Variants in ATF6 observed in about 807,000 individuals in gnomAD.
ATF6 encodes the protein activating transcription factor 6.
Under a neutral mutation model 83.6 loss-of-function variants are expected in ATF6, and 53 were observed. The observed-to-expected ratio is 0.63, with a 90% CI of 0.51 to 0.80. The LOEUF (loss-of-function observed/expected upper bound fraction) is 0.80. Among genes scored for constraint, ATF6 ranks in the 30% least tolerant of loss-of-function variants. ATF6 has a pLI of 0.00. For missense variants in ATF6, 744 were observed against 797.9 expected, an observed-to-expected ratio of 0.93 and a Z score of 0.81; for synonymous variants, 288 against 285.8, an observed-to-expected ratio of 1.01 and a Z score of -0.08.
At chr1:161,915,905 G>A (rs1330359987) in intron 15 of ATF6, among the ~76,000 whole-genome samples, 1 of 152,120 alleles carries the variant, frequency 6.6e-6, no homozygotes, top group Non-Finnish European at 1.5e-5. Context: ...TTACAGACAT[G>A]AGCCACTGCA....
intron 7 of ATF6, among the ~76,000 whole-genome samples, chr1:161,812,427 C>G (rs1204204368): frequency 8.2e-6 from 1 of 122,220 alleles, no homozygotes; most frequent in Non-Finnish European, 1.6e-5. Flanking sequence ...GAGTCTCGCT[C>G]TGTCGCCCAG....
At chr1:161,835,383 A>G (rs991089265) in intron 9 of ATF6, among the ~76,000 whole-genome samples, 3 of 152,130 alleles carry the variant, frequency 2.0e-5, no homozygotes, top group Non-Finnish European at 4.4e-5. Flanking sequence ...AAATATTGCT[A>G]ACTGAGCCCT....
intron 7 of ATF6, among the ~76,000 whole-genome samples, chr1:161,805,823 AT>A (rs1449181873): frequency 6.6e-6 from 1 of 150,616 alleles, no homozygotes; most frequent in East Asian, 2.0e-4. Context: ...AAAAAAAAAA[AT>A]CATATCAGTT....
chr1:161,840,794 T>C (rs138981352), intron 9 of ATF6, among the ~76,000 whole-genome samples: 3 of 152,330 alleles, frequency 2.0e-5, no homozygotes, highest in African/African-American at 7.2e-5. Flanking sequence ...TTTATTGGTG[T>C]AATGATTATT....
intron 14 of ATF6, among the ~76,000 whole-genome samples, chr1:161,872,539 A>G (rs1687142631): frequency 6.6e-6 from 1 of 151,636 alleles, no homozygotes; most frequent in African/African-American, 2.4e-5. Context: ...TTAGAAATAT[A>G]GGAGAATTGG....
rs188105136 is a variant in ATF6 at position 161,778,196 on chromosome 1, A to G, written c.83-48A>G. ...GGGACACAGTGCTTGTTTCTTTGTC[A>G]AATAATTGAATTGACAGTTCATTTC... On this transcript the variant is annotated intron_variant, in intron 1 of 15. Coordinates refer to ENST00000367942, the MANE Select transcript of ATF6 (RefSeq NM_007348.4). 69 of 1,512,392 alleles carry G rather than the reference A, an allele frequency of 4.6e-5. No homozygotes were observed. The African/African-American group carries it at 8.9e-4, about 20-fold the overall frequency. The allele number at this position is 1,512,392 out of a possible 1,614,324, so 93.7% of individuals were successfully genotyped here.
intron 7 of ATF6, among the ~76,000 whole-genome samples, chr1:161,807,064 C>T (rs1685301577): frequency 6.6e-6 from 1 of 152,106 alleles, no homozygotes; most frequent in African/African-American, 2.4e-5. Flanking sequence ...GAGATTTTAT[C>T]TCATCCTTCA....
At chr1:161,797,760 A>G (rs1412048476) in intron 6 of ATF6, among the ~76,000 whole-genome samples, 2 of 152,218 alleles carry the variant, frequency 1.3e-5, no homozygotes, top group African/African-American at 4.8e-5. Context: ...CAATTTACAG[A>G]TTTAATGCTA....
intron 14 of ATF6, among the ~76,000 whole-genome samples, chr1:161,887,785 C>CT (rs1687458724): frequency 6.6e-6 from 1 of 152,176 alleles, no homozygotes; most frequent in Admixed American, 6.5e-5. Flanking sequence ...CCATAAATCT[C>CT]TAAGTATTCC....
At chr1:161,851,859 A>C in intron 11 of ATF6, 24 bp downstream of exon 11, 1 of 1,563,780 alleles carries the variant, frequency 6.4e-7, no homozygotes, top group Non-Finnish European at 8.8e-7. Flanking sequence ...ATTATTGCAG[A>C]AACATCTGAG....
At chr1:161,868,152 T>G (rs753473657) in intron 14 of ATF6, among the ~76,000 whole-genome samples, 17 of 152,206 alleles carry the variant, frequency 1.1e-4, no homozygotes, top group Non-Finnish European at 2.1e-4. Context: ...CTCCAGTGAT[T>G]CCACTTTAGT....
intron 9 of ATF6, among the ~76,000 whole-genome samples, chr1:161,837,401 G>C (rs143370862): frequency 6.6e-6 from 1 of 152,126 alleles, no homozygotes; most frequent in African/African-American, 2.4e-5. Context: ...GGTGTGTGCC[G>C]TGCCTTTGGA....
intron 15 of ATF6, among the ~76,000 whole-genome samples, chr1:161,915,813 G>C (rs973331233): frequency 2.0e-5 from 3 of 152,044 alleles, no homozygotes; most frequent in Non-Finnish European, 4.4e-5. Flanking sequence ...TGTAGAGACA[G>C]AGTCTCCCTA....
intron 1 of ATF6, among the ~76,000 whole-genome samples, chr1:161,772,975 T>G (rs1393809798): frequency 2.7e-5 from 4 of 146,648 alleles, no homozygotes; most frequent in Non-Finnish European, 6.0e-5. Context: ...TTTTTTTTTT[T>G]TTTTTTTTTT....
intron 14 of ATF6, among the ~76,000 whole-genome samples, chr1:161,866,703 T>G (rs1245564211): frequency 1.3e-5 from 2 of 152,232 alleles, no homozygotes; most frequent in African/African-American, 4.8e-5. Flanking sequence ...GAATAACTGA[T>G]ACATTAATAA....
At chr1:161,917,329 T>C (rs1688119579) in intron 15 of ATF6, among the ~76,000 whole-genome samples, 2 of 152,222 alleles carry the variant, frequency 1.3e-5, no homozygotes, top group Admixed American at 6.5e-5. Context: ...TAAGGAGATA[T>C]CCTGGGGATG....
At chr1:161,775,520 C>G (rs1171626176) in intron 1 of ATF6, among the ~76,000 whole-genome samples, 1 of 152,140 alleles carries the variant, frequency 6.6e-6, no homozygotes, top group Non-Finnish European at 1.5e-5. Flanking sequence ...TTCCTTTGTT[C>G]CGTGATGAAC....
In ATF6 at chr1:161,766,458, G is replaced by A; in HGVS notation, c.82+16G>A. 2.5e-6 allele frequency: 4 copies of A among 1,611,906 alleles called. No homozygotes were observed. Among genetic ancestry groups the A allele is most frequent in the Non-Finnish European group, 3.4e-6 (4 of 1,178,626 alleles). On this transcript the variant is annotated intron_variant, in intron 1 of 15. Coordinates refer to ENST00000367942, the MANE Select transcript of ATF6 (RefSeq NM_007348.4). ...GAAGATTGGGGTGAGTGGGATCTGA[G>A]AATGTACCAGGGTGGCTCGGGTTCG...
intron 14 of ATF6, among the ~76,000 whole-genome samples, chr1:161,884,104 A>G (rs1687371664): frequency 2.0e-5 from 3 of 152,074 alleles, no homozygotes; most frequent in African/African-American, 7.2e-5. Flanking sequence ...CCAATTTTGT[A>G]TTCAGCTTAG....
Sources: allele counts gnomAD v4.1 joint callset (sites outside exome capture counted in the v4.1 genomes callset), GRCh38; gene constraint gnomAD v4.1.1; transcripts MANE v1.5; gene names NCBI Gene and HGNC (gene_info 2026-07-23, HGNC 2026-07-21).